SPMAP2L: variants seen among roughly 807,000 people sequenced by gnomAD.
SPMAP2L encodes sperm microtubule associated protein 2 like, also known as sperm microtubule associated protein 2-like.
chr4:56,537,887 G>A, the SPMAP2L span, among the ~76,000 whole-genome samples: 4 of 151,748 alleles, frequency 2.6e-5, no homozygotes, highest in South Asian at 6.3e-4. Context: ...TAGAGACGGG[G>A]TTTCACCATG....
At chr4:56,578,541 A>G in the SPMAP2L span, among the ~76,000 whole-genome samples, 1 of 152,180 alleles carries the variant, frequency 6.6e-6, no homozygotes, top group African/African-American at 2.4e-5. Flanking sequence ...TGAACACTCC[A>G]ATAAAAAGAC....
chr4:56,559,320 A>AG, the SPMAP2L span: 2 of 1,170,390 alleles, frequency 1.7e-6, no homozygotes, highest in African/African-American at 3.3e-5. Flanking sequence ...AAAAAAAAAA[A>AG]AAGAGTCATT....
the SPMAP2L span, among the ~76,000 whole-genome samples, chr4:56,569,306 A>G: frequency 6.6e-6 from 1 of 152,192 alleles, no homozygotes; most frequent in Non-Finnish European, 1.5e-5. Flanking sequence ...CCACATCCTT[A>G]CCAACACTTG....
the SPMAP2L span, among the ~76,000 whole-genome samples, chr4:56,609,310 G>A: frequency 2.0e-5 from 3 of 152,002 alleles, no homozygotes; most frequent in Admixed American, 1.3e-4. Flanking sequence ...CAAAGTGCTG[G>A]GATTACAGGC....
chr4:56,563,172 A>G, the SPMAP2L span, among the ~76,000 whole-genome samples: 1 of 136,750 alleles, frequency 7.3e-6, no homozygotes, highest in Non-Finnish European at 1.5e-5. Flanking sequence ...GGCTCACTGC[A>G]ACCTCTTCCT....
At chr4:56,611,974 G>A in the SPMAP2L span, among the ~76,000 whole-genome samples, 1 of 152,122 alleles carries the variant, frequency 6.6e-6, no homozygotes, top group Non-Finnish European at 1.5e-5. Flanking sequence ...TCTGTCAAAT[G>A]CAAGTGTCTC....
the SPMAP2L span, among the ~76,000 whole-genome samples, chr4:56,544,811 C>G: frequency 3.3e-5 from 5 of 152,198 alleles, no homozygotes; most frequent in Admixed American, 3.3e-4. Flanking sequence ...AGTTCCAGAC[C>G]CGCTTGTGGA....
the SPMAP2L span, among the ~76,000 whole-genome samples, chr4:56,570,704 C>A: frequency 1.3e-5 from 2 of 150,940 alleles, no homozygotes; most frequent in Non-Finnish European, 2.9e-5. Context: ...ACTTTATAAA[C>A]ACTGTACACT....
the SPMAP2L span, among the ~76,000 whole-genome samples, chr4:56,561,232 T>G: frequency 6.6e-6 from 1 of 152,238 alleles, no homozygotes; most frequent in Non-Finnish European, 1.5e-5. Context: ...TTGTACATGA[T>G]TAATCTTCTT....
chr4:56,567,482 G>T, the SPMAP2L span, among the ~76,000 whole-genome samples: 3 of 119,932 alleles, frequency 2.5e-5, no homozygotes, highest in African/African-American at 9.6e-5. Context: ...TAGAGACAGG[G>T]TTTCACCACG....
the SPMAP2L span, among the ~76,000 whole-genome samples, chr4:56,540,668 G>GAA: frequency 6.6e-6 from 1 of 151,948 alleles, no homozygotes; most frequent in Non-Finnish European, 1.5e-5. Context: ...AAGAAAGAAA[G>GAA]AAAAGAAAGA....
the SPMAP2L span, chr4:56,596,702 C>T: frequency 4.3e-6 from 6 of 1,381,552 alleles, no homozygotes; most frequent in Non-Finnish European, 5.6e-6. Context: ...TTTGCCTCTA[C>T]AGGGCATAGC....
chr4:56,571,011 C>T, the SPMAP2L span, among the ~76,000 whole-genome samples: 3 of 151,880 alleles, frequency 2.0e-5, no homozygotes, highest in African/African-American at 7.2e-5. Context: ...GCCATGTTGG[C>T]CAGGCTGGTC....
chr4:56,604,348 AC>A, the SPMAP2L span, among the ~76,000 whole-genome samples: 1 of 152,222 alleles, frequency 6.6e-6, no homozygotes, highest in Admixed American at 6.6e-5. Context: ...TATATTTGAA[AC>A]AAAAATTTTT....
chr4:56,612,628 C>T, the SPMAP2L span, among the ~76,000 whole-genome samples: 23 of 151,640 alleles, frequency 1.5e-4, no homozygotes, highest in African/African-American at 5.6e-4. Context: ...ATTGCAGTGG[C>T]GCGATCTCAG....
the SPMAP2L span, among the ~76,000 whole-genome samples, chr4:56,566,702 T>C: frequency 2.2e-4 from 30 of 137,154 alleles, no homozygotes; most frequent in Admixed American, 5.8e-4. Context: ...TTTCTTTTTT[T>C]TTTTTTTTTT....
chr4:56,590,776 A>T, the SPMAP2L span, among the ~76,000 whole-genome samples: 6 of 152,240 alleles, frequency 3.9e-5, no homozygotes, highest in African/African-American at 1.4e-4. Flanking sequence ...TTTTTAGATC[A>T]TAAGCCTTAA....
chr4:56,598,739 A>C, the SPMAP2L span, among the ~76,000 whole-genome samples: 5 of 152,084 alleles, frequency 3.3e-5, no homozygotes, highest in Non-Finnish European at 7.4e-5. Context: ...AAGGCAGATC[A>C]TGTAGGGCCT....
At chr4:56,548,503 A>C in the SPMAP2L span, among the ~76,000 whole-genome samples, 2 of 152,146 alleles carry the variant, frequency 1.3e-5, no homozygotes, top group African/African-American at 4.8e-5. Flanking sequence ...TAAGTATTTT[A>C]ATCTATTTAT....
Sources: gnomAD v4.1 joint callset for allele counts (sites outside exome capture counted in the v4.1 genomes callset) on GRCh38, gnomAD v4.1.1 for gene constraint, MANE v1.5 for transcripts, NCBI Gene and HGNC (gene_info 2026-07-23, HGNC 2026-07-21) for gene names.